NEBL: variants seen among roughly 807,000 people sequenced by gnomAD.
NEBL encodes LIM and SH3 protein 2.
NEBL carries 122 observed loss-of-function variants against 140.2 expected under a neutral mutation model. The observed-to-expected ratio is 0.87, with a 90% CI of 0.75 to 1.01. The LOEUF (loss-of-function observed/expected upper bound fraction) is 1.01. Among genes scored for constraint, NEBL ranks in the 50% least tolerant of loss-of-function variants. The pLI is 0.00. For missense variants in NEBL, 1,365 were observed against 1,231.3 expected (o/e 1.11, Z -1.62); for synonymous variants, 436 against 398.9 (o/e 1.09, Z -1.11).
intron 2 of NEBL, among the ~76,000 whole-genome samples, chr10:21,048,451 CA>C (rs10626391): frequency 1.2e-3 from 119 of 103,164 alleles, no homozygotes; most frequent in East Asian, 7.1e-3. Flanking sequence ...AAATTTCTAC[CA>C]AAAAAAAAAA....
chr10:21,112,229 C>T (rs1838047547), intron 2 of NEBL, among the ~76,000 whole-genome samples: 1 of 152,154 alleles, frequency 6.6e-6, no homozygotes, highest in South Asian at 2.1e-4. Context: ...ACCCAGTGAT[C>T]CCATTACTGG....
At position 20,794,928 on chromosome 10, in the gene NEBL, C is replaced by T. The variant is rs1029804235; in HGVS notation, c.2762-7620G>A. Among the ~76,000 whole-genome samples the T allele has an allele frequency of 4.6e-5, 7 of 152,128 alleles. 1 individual carries two copies. The highest frequency in any genetic ancestry group is 4.6e-4 in the Admixed American group (7 of 15,260). Reference sequence around the variant, plus strand: ...GTAACTGTCACCACAATCTTCTTTTCACCAACAAAGGAGCTGAAGGTTAGC... The same window carrying T: ...GTAACTGTCACCACAATCTTCTTTTTACCAACAAAGGAGCTGAAGGTTAGC... On this transcript the variant is annotated intron_variant, in intron 26 of 27. Coordinates refer to ENST00000377122, the MANE Select transcript of NEBL (RefSeq NM_006393.3).
intron 4 of NEBL, among the ~76,000 whole-genome samples, chr10:20,950,409 C>T (rs181859506): frequency 1.3e-5 from 2 of 152,180 alleles, no homozygotes; most frequent in African/African-American, 4.8e-5. Context: ...TCTCTCCCTG[C>T]ACTCTAACAA....
chr10:21,013,967 G>A (rs1313405419), intron 3 of NEBL, among the ~76,000 whole-genome samples: 1 of 152,086 alleles, frequency 6.6e-6, no homozygotes, highest in African/African-American at 2.4e-5. Context: ...CCGGAGCTGA[G>A]CAGGATACAG....
Position 20,932,611 on chromosome 10 carries a change from A to T in NEBL, c.357+29061T>A, listed in dbSNP as rs138871736. On this transcript the variant is annotated intron_variant, in intron 4 of 6. Transcript: ENST00000417816. ...AAAATTTTTTTAAAATTTTTAAGAAAAGAATAAGTATTCTTGCTGAAAACT... is the reference window on the plus strand; with the variant it reads ...AAAATTTTTTTAAAATTTTTAAGAATAGAATAAGTATTCTTGCTGAAAACT... Among the ~76,000 whole-genome samples, 20 of 152,328 alleles carry T rather than the reference A, an allele frequency of 1.3e-4. No individual in the cohort carries two copies. The East Asian group carries it at 3.5e-3, about 26-fold the overall frequency.
chr10:20,812,232 T>A (rs967772163), intron 24 of NEBL, among the ~76,000 whole-genome samples: 2 of 152,050 alleles, frequency 1.3e-5, no homozygotes, highest in Admixed American at 6.6e-5. Context: ...TTATTTTGTT[T>A]TTCTTTTTAA....
chr10:20,819,470 G>T lies in NEBL; in HGVS notation c.2009C>A (p.Thr670Asn), dbSNP rs1050169474. 1.9e-6 allele frequency: 3 copies of T among 1,613,866 alleles called. No individual in the cohort carries two copies. The highest frequency in any genetic ancestry group is 1.3e-5 in the African/African-American group (1 of 74,882). ...QNYKATPVSM[T>N]PEIERVRRNQ... ...TCGCCTCACTCTCTCTATCTCCGGGGTCATGCTTACCGGAGTGGCCTTGTA... is the reference window on the plus strand; with the variant it reads ...TCGCCTCACTCTCTCTATCTCCGGGTTCATGCTTACCGGAGTGGCCTTGTA... Residue 670 changes from threonine to asparagine, a missense_variant, in exon 20 of 28, where the codon ACC (threonine) becomes AAC (asparagine). Thr to Asn is a moderately conservative substitution (Grantham distance 65). Coordinates refer to ENST00000377122, the MANE Select transcript of NEBL (RefSeq NM_006393.3).
At chr10:21,268,125 C>T (rs887449435) in intron 1 of NEBL, among the ~76,000 whole-genome samples, 1 of 152,142 alleles carries the variant, frequency 6.6e-6, no homozygotes, top group Non-Finnish European at 1.5e-5. Context: ...GAAATACCTC[C>T]TCTCACTGCA....
chr10:21,131,687 C>G (rs1839115696), intron 2 of NEBL, among the ~76,000 whole-genome samples: 1 of 123,712 alleles, frequency 8.1e-6, no homozygotes, highest in African/African-American at 2.9e-5. Flanking sequence ...ACATAGAACA[C>G]TGCTTCAAGA....
intron 4 of NEBL, among the ~76,000 whole-genome samples, chr10:20,933,685 G>C (rs1834320681): frequency 6.6e-6 from 1 of 152,218 alleles, no homozygotes; most frequent in African/African-American, 2.4e-5. Context: ...AGTGAGCCAA[G>C]ATCACACCAT....
At position 20,829,108 on chromosome 10, in the gene NEBL, C is replaced by G. The variant is rs1182777405; in HGVS notation, c.1672-474G>C. ...AGATACTATTATTATTTCCATCTTA[C>G]AGATGGAGAAACTGAAGTACTAGAT... On this transcript the variant is annotated intron_variant, in intron 16 of 27. Coordinates refer to ENST00000377122, the MANE Select transcript of NEBL (RefSeq NM_006393.3). 3.3e-5 allele frequency among the ~76,000 whole-genome samples: 5 copies of G among 152,144 alleles called. No individual in the cohort carries two copies. The East Asian group carries it at 7.8e-4, about 24-fold the overall frequency.
At chr10:21,187,013 T>C (rs1841484953) in intron 3 of NEBL, among the ~76,000 whole-genome samples, 1 of 151,824 alleles carries the variant, frequency 6.6e-6, no homozygotes. Flanking sequence ...TGTGTGTGTG[T>C]GTGTGTGTGT....
intron 4 of NEBL, among the ~76,000 whole-genome samples, chr10:20,939,514 A>C (rs985732475): frequency 6.6e-6 from 1 of 152,238 alleles, no homozygotes; most frequent in Non-Finnish European, 1.5e-5. Context: ...GGCTAGGAAG[A>C]AACTGCATCA....
chr10:20,831,577 A>G lies in NEBL; in HGVS notation c.1456T>C (p.Tyr486His), dbSNP rs1840427806. 4 of 1,596,578 alleles carry G rather than the reference A, an allele frequency of 2.5e-6. No homozygotes were observed. The East Asian group carries it at 8.9e-5, about 36-fold the overall frequency. Residue 486 changes from tyrosine to histidine, a missense_variant, in exon 15 of 28, where the codon TAT (tyrosine) becomes CAT (histidine). By Grantham distance (83) the Tyr-to-His change is moderately conservative. Transcript: ENST00000377122. ...KAAEIASEKD[Y>H]KRDLETEIKG... ...ATTTCAGTCTCCAGATCTCTTTTAT[A>G]GTCTTTCTGCAGAAAATGAAACATA...
intron 1 of NEBL, among the ~76,000 whole-genome samples, chr10:21,286,534 A>T (rs929484326): frequency 6.6e-6 from 1 of 152,202 alleles, no homozygotes; most frequent in Non-Finnish European, 1.5e-5. Flanking sequence ...AGCAGACTGG[A>T]TTCAGACTAT....
rs1438303372 is a variant in NEBL at position 21,232,205 on chromosome 10, A to G, written n.348+15716T>C. On this transcript the variant is annotated intron_variant and non_coding_transcript_variant, in intron 3 of 8. Transcript: ENST00000675702. ...AAGAAGAAGCATAGGAAACAAGGTT[A>G]GAGAGCAAAGTAGCCATAGACCATG... 2.0e-5 allele frequency among the ~76,000 whole-genome samples: 3 copies of G among 152,064 alleles called. No individual in the cohort carries two copies. The East Asian group carries it at 5.8e-4, about 29-fold the overall frequency.
intron 19 of NEBL, 129 bp from the exon 20 acceptor site, chr10:20,819,645 A>C: frequency 8.8e-6 from 10 of 1,134,096 alleles, no homozygotes; most frequent in African/African-American, 1.5e-5. Flanking sequence ...TCAGGATTTC[A>C]TAGTGAAATA....
chr10:20,789,403 G>A (rs1367556649), intron 26 of NEBL, among the ~76,000 whole-genome samples: 1 of 152,176 alleles, frequency 6.6e-6, no homozygotes, highest in African/African-American at 2.4e-5. Context: ...TTTCAGGAAT[G>A]GACATTGAAA....
At chr10:20,938,227 C>A (rs1765867847) in intron 4 of NEBL, among the ~76,000 whole-genome samples, 1 of 152,192 alleles carries the variant, frequency 6.6e-6, no homozygotes, top group African/African-American at 2.4e-5. Context: ...GCTGGGTACT[C>A]CTCTGAGACA....
Sources: gnomAD v4.1 joint callset for allele counts (sites outside exome capture counted in the v4.1 genomes callset) on GRCh38, gnomAD v4.1.1 for gene constraint, MANE v1.5 for transcripts, NCBI Gene and HGNC (gene_info 2026-07-23, HGNC 2026-07-21) for gene names.